F13A1: variants seen among roughly 807,000 people sequenced by gnomAD.
F13A1 encodes the protein coagulation factor XIII A chain.
A neutral mutation model predicts 80.1 loss-of-function variants in F13A1; 47 were observed. The observed-to-expected ratio is 0.59, with a 90% CI of 0.46 to 0.75. The LOEUF (loss-of-function observed/expected upper bound fraction) is 0.75, where lower values mean the gene tolerates loss of function less well. F13A1 is among the 30% of genes least tolerant of loss of function. F13A1 has a pLI of 0.00. For missense variants in F13A1, 817 were observed against 930.4 expected, an observed-to-expected ratio of 0.88 and a Z score of 1.59; for synonymous variants, 349 against 344.9, an observed-to-expected ratio of 1.01 and a Z score of -0.13.
chr6:6,149,992 G>C (rs1760344526), intron 14 of F13A1, among the ~76,000 whole-genome samples: 1 of 152,192 alleles, frequency 6.6e-6, no homozygotes, highest in South Asian at 2.1e-4. Flanking sequence ...CCCAAATAGT[G>C]GGTCATTGCA....
Position 6,276,747 on chromosome 6 carries a change from G to C in F13A1, c.320-9938C>G, listed in dbSNP as rs558122029. On this transcript the variant is annotated intron_variant, in intron 3 of 14. Transcript: ENST00000264870. ...GTAAAATTGGCATTCCAGAAGATGA[G>C]GATTAAACAATAGTGTGTGTGAAGG... Among the ~76,000 whole-genome samples the C allele has an allele frequency of 3.3e-5, 5 of 152,200 alleles. No individual in the cohort carries two copies. In the South Asian group the frequency reaches 1.0e-3, roughly 32 times the overall value.
chr6:6,282,289 T>G (rs2113144641), intron 3 of F13A1, among the ~76,000 whole-genome samples: 1 of 152,276 alleles, frequency 6.6e-6, no homozygotes, highest in East Asian at 1.9e-4. Flanking sequence ...AACATCTTAC[T>G]GTAACAGACT....
intron 3 of F13A1, among the ~76,000 whole-genome samples, chr6:6,284,291 AG>A (rs1376458255): frequency 6.6e-6 from 1 of 152,230 alleles, no homozygotes; most frequent in African/African-American, 2.4e-5. Flanking sequence ...AAGTTAGAAA[AG>A]GTTGAAATGA....
intron 3 of F13A1, among the ~76,000 whole-genome samples, chr6:6,286,052 G>C (rs1355714489): frequency 2.0e-5 from 3 of 152,222 alleles, no homozygotes; most frequent in African/African-American, 7.2e-5. Flanking sequence ...ACCACTTAAG[G>C]GAAGAATCAC....
chr6:6,201,157 A>G (rs1229620839), intron 8 of F13A1, among the ~76,000 whole-genome samples: 1 of 152,228 alleles, frequency 6.6e-6, no homozygotes, highest in Non-Finnish European at 1.5e-5. Context: ...ATCCTTGGCA[A>G]GGTTAGCCTG....
chr6:6,284,357 A>C (rs1282136372), intron 3 of F13A1, among the ~76,000 whole-genome samples: 1 of 152,242 alleles, frequency 6.6e-6, no homozygotes, highest in Non-Finnish European at 1.5e-5. Flanking sequence ...TATCACTTAG[A>C]AATATGTTGC....
chr6:6,253,142 CAAA>C (rs397886568), intron 4 of F13A1, among the ~76,000 whole-genome samples: 1 of 73,946 alleles, frequency 1.4e-5, no homozygotes, highest in Non-Finnish European at 2.6e-5. Context: ...GAATCTGTCC[CAAA>C]AAAAAAAAAA....
chr6:6,277,178 T>A, intron 3 of F13A1, among the ~76,000 whole-genome samples: 1 of 13,602 alleles, frequency 7.4e-5, no homozygotes. Context: ...TACTAAAAAA[T>A]ACAAAAAATT....
At chr6:6,245,855 C>T (rs150632431) in intron 6 of F13A1, among the ~76,000 whole-genome samples, 1 of 152,320 alleles carries the variant, frequency 6.6e-6, no homozygotes, top group East Asian at 1.9e-4. Context: ...TCTGGAGAGT[C>T]CACATGCCAC....
intron 14 of F13A1, among the ~76,000 whole-genome samples, chr6:6,146,119 G>A (rs1760275403): frequency 6.6e-6 from 1 of 152,118 alleles, no homozygotes; most frequent in Admixed American, 6.5e-5. Context: ...TTATCTATGT[G>A]ACTGATCTTC....
intron 4 of F13A1, among the ~76,000 whole-genome samples, chr6:6,259,967 C>T (rs1386586595): frequency 6.6e-6 from 1 of 152,190 alleles, no homozygotes; most frequent in African/African-American, 2.4e-5. Flanking sequence ...CTGGAACATT[C>T]TATATTTAAA....
intron 10 of F13A1, among the ~76,000 whole-genome samples, chr6:6,191,170 G>T (rs149975306): frequency 1.3e-5 from 2 of 152,304 alleles, no homozygotes; most frequent in East Asian, 3.9e-4. Context: ...TGGAAATGCA[G>T]AAATCACCAG....
intron 11 of F13A1, among the ~76,000 whole-genome samples, chr6:6,177,377 C>T (rs1426273540): frequency 1.3e-5 from 2 of 152,126 alleles, no homozygotes; most frequent in East Asian, 3.9e-4. Flanking sequence ...GTTTTATTTC[C>T]TCTTCCTTGT....
At chr6:6,317,480 TC>T (rs1245080207) in intron 2 of F13A1, among the ~76,000 whole-genome samples, 24 of 152,056 alleles carry the variant, frequency 1.6e-4, no homozygotes, top group Non-Finnish European at 3.1e-4. Context: ...ACTGGATACC[TC>T]CCTGATTTCA....
At chr6:6,304,758 G>C (rs1365358344) in intron 3 of F13A1, among the ~76,000 whole-genome samples, 1 of 151,582 alleles carries the variant, frequency 6.6e-6, no homozygotes, top group African/African-American at 2.4e-5. Context: ...AGCTACTCTG[G>C]AGGCTGAGGC....
intron 10 of F13A1, among the ~76,000 whole-genome samples, chr6:6,195,300 C>T (rs758226397): frequency 3.3e-5 from 5 of 152,194 alleles, no homozygotes; most frequent in Admixed American, 2.6e-4. Flanking sequence ...CAACTCAACC[C>T]TCCCTCCCTG....
chr6:6,312,718 CAAAG>C (rs1432642051), intron 2 of F13A1, among the ~76,000 whole-genome samples: 5 of 121,152 alleles, frequency 4.1e-5, no homozygotes, highest in Non-Finnish European at 5.1e-5. Context: ...ATGATTTAAA[CAAAG>C]AAAGACATTT....
intron 3 of F13A1, among the ~76,000 whole-genome samples, chr6:6,275,862 C>A (rs919733141): frequency 6.6e-6 from 1 of 152,208 alleles, no homozygotes; most frequent in Non-Finnish European, 1.5e-5. Context: ...AATTCCCTAA[C>A]CCACATGTGT....
intron 2 of F13A1, among the ~76,000 whole-genome samples, chr6:6,314,706 A>G (rs1455065631): frequency 6.6e-6 from 1 of 152,216 alleles, no homozygotes; most frequent in East Asian, 1.9e-4. Context: ...TTCTACACTG[A>G]GAGTTTCTTG....
Sources: allele counts gnomAD v4.1 joint callset (sites outside exome capture counted in the v4.1 genomes callset), GRCh38; gene constraint gnomAD v4.1.1; transcripts MANE v1.5; gene names NCBI Gene and HGNC (gene_info 2026-07-23, HGNC 2026-07-21).